Variants in DPYD observed in about 807,000 individuals in gnomAD.
DPYD encodes the protein dihydropyrimidine dehydrogenase.
A neutral mutation model predicts 116.2 loss-of-function variants in DPYD; 109 were observed. The ratio of observed to expected loss-of-function variants is 0.94; its 90% CI spans 0.80 to 1.10. The LOEUF (loss-of-function observed/expected upper bound fraction) is 1.10. Ranked by LOEUF, DPYD falls within the 50% of genes least tolerant of loss-of-function variation. DPYD has a pLI of 0.00. For missense variants in DPYD, 1,302 were observed against 1,254.5 expected, an observed-to-expected ratio of 1.04 and a Z score of -0.57; for synonymous variants, 440 against 432.0, an observed-to-expected ratio of 1.02 and a Z score of -0.23.
At chr1:97,287,324 C>G (rs1196965420) in intron 18 of DPYD, among the ~76,000 whole-genome samples, 2 of 152,154 alleles carry the variant, frequency 1.3e-5, no homozygotes, top group African/African-American at 4.8e-5. Flanking sequence ...TGTGAGCAGT[C>G]AGTCTGCCCC....
chr1:97,671,923 A>G (rs183176481), intron 8 of DPYD, among the ~76,000 whole-genome samples: 473 of 140,818 alleles, frequency 3.4e-3, no homozygotes, highest in Non-Finnish European at 5.8e-3. Context: ...CTTTTTATTT[A>G]TTTATTTACG....
At chr1:97,600,664 T>A (rs1655192208) in intron 8 of DPYD, among the ~76,000 whole-genome samples, 1 of 152,148 alleles carries the variant, frequency 6.6e-6, no homozygotes, top group Admixed American at 6.6e-5. Context: ...GTTGGGAGAA[T>A]TAACACGAAA....
chr1:97,382,034 G>A (rs74105153), intron 15 of DPYD, among the ~76,000 whole-genome samples: 18,024 of 152,094 alleles, frequency 0.12, 1,393 homozygotes, highest in South Asian at 0.28. Context: ...TTTGCCTAAA[G>A]GCAAGGTAAG....
chr1:97,177,016 A>G (rs1162299357), intron 20 of DPYD, among the ~76,000 whole-genome samples: 3 of 152,036 alleles, frequency 2.0e-5, no homozygotes, highest in Non-Finnish European at 4.4e-5. Context: ...TCCCACTCCT[A>G]CTAGACTTTG....
At chr1:97,845,169 C>T (rs1290977784) in intron 2 of DPYD, among the ~76,000 whole-genome samples, 2 of 152,186 alleles carry the variant, frequency 1.3e-5, no homozygotes, top group African/African-American at 4.8e-5. Context: ...CCAGTGAAGC[C>T]CCACCTTCAA....
chr1:97,903,262 A>G (rs1673451704), intron 1 of DPYD, among the ~76,000 whole-genome samples: 1 of 151,948 alleles, frequency 6.6e-6, no homozygotes, highest in African/African-American at 2.4e-5. Flanking sequence ...AGAATGAAAT[A>G]GCTCCGATTT....
At chr1:97,412,618 T>C (rs1225947891) in intron 14 of DPYD, among the ~76,000 whole-genome samples, 3 of 152,220 alleles carry the variant, frequency 2.0e-5, no homozygotes, top group Admixed American at 2.0e-4. Flanking sequence ...AATTATTATA[T>C]GAAAGTATGG....
chr1:97,722,907 C>T (rs781012009), intron 4 of DPYD, among the ~76,000 whole-genome samples: 3 of 151,264 alleles, frequency 2.0e-5, no homozygotes, highest in Admixed American at 6.6e-5. Context: ...CAGGACCAAA[C>T]GCCTGATAAT....
At chr1:97,114,842 C>A (rs1651854274) in intron 20 of DPYD, among the ~76,000 whole-genome samples, 1 of 152,186 alleles carries the variant, frequency 6.6e-6, no homozygotes, top group Non-Finnish European at 1.5e-5. Context: ...TGTGAATACA[C>A]TAATGCATTC....
chr1:97,368,252 G>A (rs1557662173), intron 16 of DPYD, among the ~76,000 whole-genome samples: 1 of 152,130 alleles, frequency 6.6e-6, no homozygotes, highest in African/African-American at 2.4e-5. Context: ...CACTAAAGCT[G>A]TGGGACTTGC....
intron 12 of DPYD, among the ~76,000 whole-genome samples, chr1:97,533,504 C>T (rs2102031440): frequency 6.6e-6 from 1 of 152,188 alleles, no homozygotes; most frequent in South Asian, 2.1e-4. Context: ...ATACTGCTGA[C>T]AAGATGTCAA....
chr1:97,483,896 AAT>A (rs1324250385), intron 13 of DPYD, among the ~76,000 whole-genome samples: 1 of 152,148 alleles, frequency 6.6e-6, no homozygotes, highest in Non-Finnish European at 1.5e-5. Context: ...AAAAAAAAAA[AAT>A]TATCTTCTTT....
intron 13 of DPYD, among the ~76,000 whole-genome samples, chr1:97,465,598 C>T (rs149558699): frequency 0.014 from 2,100 of 152,046 alleles, 30 homozygotes; most frequent in Non-Finnish European, 0.018. Context: ...TCTGCACAAG[C>T]TCTCTCTTTC....
intron 14 of DPYD, among the ~76,000 whole-genome samples, chr1:97,421,323 T>G (rs1674568044): frequency 6.6e-6 from 1 of 152,202 alleles, no homozygotes; most frequent in African/African-American, 2.4e-5. Context: ...AGGATCTTAC[T>G]TCCAGAGATT....
chr1:97,511,808 G>A (rs78284086), intron 13 of DPYD, among the ~76,000 whole-genome samples: 5,838 of 151,838 alleles, frequency 0.038, 171 homozygotes, highest in Non-Finnish European at 0.057. Context: ...CGATTTTTAC[G>A]TATCTTCTTA....
intron 17 of DPYD, 135 bp from the exon 18 acceptor site, chr1:97,305,513 T>A: frequency 8.6e-7 from 1 of 1,166,750 alleles, no homozygotes; most frequent in Non-Finnish European, 1.3e-6. Context: ...AGTTCTTCAC[T>A]AATTTAACTC....
rs1299131421 is a variant in DPYD, at chr1:97,197,386, C to T, written c.2443-4138G>A. 2.6e-5 allele frequency among the ~76,000 whole-genome samples: 4 copies of T among 152,016 alleles called. No homozygotes were observed. In the East Asian group the frequency reaches 7.7e-4, roughly 29 times the overall value. ...AGTATATGCTTATGGGTATACTTTACTATAGTCTTAAAATAGTTCACCATG... is the reference window on the plus strand; with the variant it reads ...AGTATATGCTTATGGGTATACTTTATTATAGTCTTAAAATAGTTCACCATG... On this transcript the variant is annotated intron_variant, in intron 19 of 22. Coordinates refer to ENST00000370192, the MANE Select transcript of DPYD (RefSeq NM_000110.4).
At chr1:97,504,721 G>T (rs1679783879) in intron 13 of DPYD, among the ~76,000 whole-genome samples, 3 of 151,928 alleles carry the variant, frequency 2.0e-5, no homozygotes, top group Admixed American at 1.3e-4. Context: ...CTCTTCAAGA[G>T]GTAATAATAT....
chr1:97,448,160 C>T (rs1019218126), intron 14 of DPYD, among the ~76,000 whole-genome samples: 3 of 151,928 alleles, frequency 2.0e-5, no homozygotes, highest in Admixed American at 6.6e-5. Flanking sequence ...GAGGCTGCAG[C>T]GAGCCATGAT....
Sources: allele counts gnomAD v4.1 joint callset (sites outside exome capture counted in the v4.1 genomes callset), GRCh38; gene constraint gnomAD v4.1.1; transcripts MANE v1.5; gene names NCBI Gene and HGNC (gene_info 2026-07-23, HGNC 2026-07-21).